Variants in ZNF197 observed in about 807,000 individuals in gnomAD.
ZNF197 encodes the protein zinc finger protein 197.
A neutral mutation model predicts 27.4 loss-of-function variants in ZNF197; 14 were observed. The ratio of observed to expected loss-of-function variants is 0.51; its 90% CI spans 0.34 to 0.80. The LOEUF is 0.80. Ranked by LOEUF, ZNF197 falls within the 30% of genes least tolerant of loss-of-function variation. The pLI, the probability that ZNF197 is intolerant of heterozygous loss-of-function variation, is 0.02. For synonymous variants in ZNF197, 415 were observed against 420.0 expected (o/e 0.99, Z 0.15); for missense variants, 1,090 against 1,222.6 (o/e 0.89, Z 1.62).
At position 44,643,691 on chromosome 3, in the gene ZNF197, G is replaced by GT. The variant is rs1702768353; in HGVS notation, c.2565dup (p.Thr856TyrfsTer8). 4 of 1,613,920 alleles carry GT rather than the reference G, an allele frequency of 2.5e-6. No individual in the cohort carries two copies. Among genetic ancestry groups the GT allele is most frequent in the African/African-American group, 1.3e-5 (1 of 74,904 alleles). On this transcript the variant is annotated frameshift_variant, in exon 6 of 6. Transcript: ENST00000344387. LOFTEE classifies it low-confidence loss of function (END_TRUNC). ...TATGCGTGTAGTGAGTGTGGAAAAG[G>GT]TTTTACGTACAACAGAAACCTGATT...
In ZNF197 at chr3:44,642,644, AAG is replaced by A. The variant is rs1342576689; in HGVS notation, c.1515_1516del (p.Glu507ArgfsTer4). ...CTCATTGACCATCAGAGGCTCCACA[AAG>A]GGGAAGAACCTTATAAATGTAATAA... On this transcript the variant is annotated frameshift_variant, in exon 6 of 6. Transcript: ENST00000344387. LOFTEE classifies it low-confidence loss of function (END_TRUNC). 6.2e-7 allele frequency: 1 copy of A among 1,613,936 alleles called. No homozygotes were observed. Among genetic ancestry groups the A allele is most frequent in the Non-Finnish European group, 8.5e-7 (1 of 1,180,022 alleles).
rs560739472 is a variant in ZNF197, at chr3:44,632,365, G to C, written c.643-108G>C. ...ATCTCCTTATGTCTCCCTGATGTCT[G>C]TTATGCACTCATGGCCTCACAGTGT... On this transcript the variant is annotated intron_variant, in intron 4 of 5. Coordinates refer to ENST00000344387, the MANE Select transcript of ZNF197 (RefSeq NM_006991.5). 3.3e-6 allele frequency: 5 copies of C among 1,516,142 alleles called. No homozygotes were observed. In the East Asian group the frequency reaches 1.1e-4, roughly 34 times the overall value. The allele number at this position is 1,516,142 out of a possible 1,614,324, so 93.9% of individuals were successfully genotyped here. A position where few individuals can be genotyped will look rare whatever the true frequency, so the allele number is the denominator to read the frequency against.
At position 44,644,320 on chromosome 3, in the gene ZNF197, A is replaced by G. The variant is rs964399534; in HGVS notation, c.*100A>G. The G allele has an allele frequency of 6.8e-7, 1 of 1,463,010 alleles. No homozygotes were observed. Among genetic ancestry groups the G allele is most frequent in the South Asian group, 1.5e-5 (1 of 66,940 alleles). The allele number at this position is 1,463,010 out of a possible 1,614,324, so 90.6% of individuals were successfully genotyped here. On this transcript the variant is annotated 3_prime_UTR_variant, in exon 6 of 6. Coordinates refer to ENST00000344387, the MANE Select transcript of ZNF197 (RefSeq NM_006991.5). The stretch of plus-strand genomic sequence containing the variant: ...GGAAAAAGTTTATTATTTACTCTTT[A>G]CTAGACAAATGAGTAGCATATAGAA...
At chr3:44,637,300 A>T (rs994336734) in intron 5 of ZNF197, among the ~76,000 whole-genome samples, 3 of 151,730 alleles carry the variant, frequency 2.0e-5, no homozygotes, top group Non-Finnish European at 2.9e-5. Context: ...GCTAATTTTA[A>T]AATTTTTTGT....
At chr3:44,631,335 G>A (rs940990420) in intron 3 of ZNF197, 114 bp downstream of exon 3, 5 of 1,321,076 alleles carry the variant, frequency 3.8e-6, no homozygotes, top group Non-Finnish European at 5.2e-6. Flanking sequence ...CTCTTACAGT[G>A]CCAATTTCTT....
intron 5 of ZNF197, among the ~76,000 whole-genome samples, chr3:44,636,699 GAT>G (rs1167380475): frequency 6.6e-6 from 1 of 152,104 alleles, no homozygotes; most frequent in Non-Finnish European, 1.5e-5. Context: ...TTTTTGTGTG[GAT>G]ATATGTTTTC....
chr3:44,646,647 T>C lies in ZNF197; in HGVS notation c.*2427T>C. ...GGGAGTGAAAATTGTTCAAGCTGTCTTGAGTCTGCTGTGAGTTTATTATAC... is the reference window on the plus strand; with the variant it reads ...GGGAGTGAAAATTGTTCAAGCTGTCCTGAGTCTGCTGTGAGTTTATTATAC... On this transcript the variant is annotated 3_prime_UTR_variant, in exon 6 of 6. Coordinates refer to ENST00000344387, the MANE Select transcript of ZNF197 (RefSeq NM_006991.5). The C allele has an allele frequency of 1.5e-6, 1 of 681,262 alleles. No individual in the cohort carries two copies. Among genetic ancestry groups the C allele is most frequent in the South Asian group, 1.7e-5 (1 of 58,742 alleles). 42.2% of individuals were successfully genotyped at this position (681,262 alleles called of 1,614,324 possible).
Position 44,641,981 on chromosome 3 carries a change from CA to C in ZNF197, c.856del (p.Arg286AspfsTer36). The C allele has an allele frequency of 6.2e-7, 1 of 1,613,330 alleles. No homozygotes were observed. Among genetic ancestry groups the C allele is most frequent in the Non-Finnish European group, 8.5e-7 (1 of 1,179,588 alleles). The stretch of plus-strand genomic sequence containing the variant: ...AGAGCAGACTCTCATAAAGGAACAT[CA>C]AAAAGACTTCAAGGAAGTGTTCCCC... ...SQRADSHKGT[S>X]KRLQGSVPQV... On this transcript the variant is annotated frameshift_variant, in exon 6 of 6. Transcript: ENST00000344387. LOFTEE classifies it low-confidence loss of function (END_TRUNC).
intron 1 of ZNF197, among the ~76,000 whole-genome samples, chr3:44,628,792 G>A (rs1052855423): frequency 6.6e-6 from 1 of 152,186 alleles, no homozygotes; most frequent in African/African-American, 2.4e-5. Context: ...CATTGTTAGA[G>A]TGGTAAAGAG....
rs1259123516 is a variant in ZNF197 at position 44,642,840 on chromosome 3, A to G, written c.1710A>G (p.Glu570=). Residue 570 remains glutamate (E), a synonymous_variant, in exon 6 of 6, where the codon GAA becomes GAG. Transcript: ENST00000344387. The part of the protein sequence containing the change: ...HSAENPYKCK[E]CGKVFIRSKS... ...CAGAGAACCCTTACAAGTGTAAAGA[A>G]TGTGGAAAAGTTTTCATTCGAAGCA... The G allele has an allele frequency of 6.2e-7, 1 of 1,614,138 alleles. No homozygotes were observed. The highest frequency in any genetic ancestry group is 8.5e-7 in the Non-Finnish European group (1 of 1,180,036).
Position 44,643,439 on chromosome 3 carries a change from C to T in ZNF197, c.2309C>T (p.Ala770Val). 3 of 1,614,094 alleles carry T rather than the reference C, an allele frequency of 1.9e-6. No individual in the cohort carries two copies. Among genetic ancestry groups the T allele is most frequent in the Non-Finnish European group, 2.5e-6 (3 of 1,180,042 alleles). ...TTTGAATGCAGTGAGTGTGGAAGAG[C>T]TTTCAGTTCAAACAGAAACCTCATT... ...KPFECSECGR[A>V]FSSNRNLIEH... Residue 770 changes from alanine to valine, a missense_variant, in exon 6 of 6, where the codon GCT becomes GTT. By Grantham distance (64) the Ala-to-Val change is moderately conservative. Coordinates refer to ENST00000344387, the MANE Select transcript of ZNF197 (RefSeq NM_006991.5).
chr3:44,632,594 C>T lies in ZNF197; in HGVS notation c.764C>T (p.Ser255Phe). 1 of 1,558,428 alleles carries T rather than the reference C, an allele frequency of 6.4e-7. No homozygotes were observed. Among genetic ancestry groups the T allele is most frequent in the Non-Finnish European group, 8.7e-7 (1 of 1,152,388 alleles). Residue 255 changes from serine to phenylalanine, a missense_variant, in exon 5 of 6, where the codon TCC (serine) becomes TTC (phenylalanine). By Grantham distance (155) the Ser-to-Phe change is radical. Coordinates refer to ENST00000344387, the MANE Select transcript of ZNF197 (RefSeq NM_006991.5). ...VMLENYGNVT[S>F]LEWETMTENE... ...CTGGAGAATTATGGAAATGTGACCT[C>T]CCTAGGTAAGGATTCTTCTTTCTAT...
chr3:44,627,368 C>G (rs1051560190), intron 1 of ZNF197, among the ~76,000 whole-genome samples: 3 of 152,194 alleles, frequency 2.0e-5, no homozygotes, highest in Non-Finnish European at 4.4e-5. Flanking sequence ...CTGTTCACCT[C>G]TCTGCTCTAC....
intron 1 of ZNF197, among the ~76,000 whole-genome samples, chr3:44,625,500 C>T (rs960611355): frequency 3.9e-5 from 6 of 152,202 alleles, no homozygotes; most frequent in African/African-American, 1.4e-4. Context: ...CAGAAACATT[C>T]TGAGGTTTCC....
Position 44,643,465 on chromosome 3 carries a change from G to C in ZNF197, c.2335G>C (p.Glu779Gln). ...TTTCAGTTCAAACAGAAACCTCATTGAGCATAAGAGAATCCACAGTGGTGA... is the reference window on the plus strand; with the variant it reads ...TTTCAGTTCAAACAGAAACCTCATTCAGCATAAGAGAATCCACAGTGGTGA... Reference protein sequence around the residue: ...RAFSSNRNLIEHKRIHSGEKP... With the variant: ...RAFSSNRNLIQHKRIHSGEKP... Residue 779 changes from glutamate to glutamine, a missense_variant, in exon 6 of 6, where the codon GAG becomes CAG. Physicochemically the swap from Glu to Gln is conservative, Grantham distance 29. Coordinates refer to ENST00000344387, the MANE Select transcript of ZNF197 (RefSeq NM_006991.5). The C allele has an allele frequency of 6.2e-7, 1 of 1,614,192 alleles. No homozygotes were observed. The highest frequency in any genetic ancestry group is 8.5e-7 in the Non-Finnish European group (1 of 1,180,042).
At chr3:44,631,949 C>A (rs1295809672) in intron 3 of ZNF197, among the ~76,000 whole-genome samples, 156 bp from the exon 4 acceptor site, 2 of 152,170 alleles carry the variant, frequency 1.3e-5, no homozygotes, top group Admixed American at 1.3e-4. Flanking sequence ...GAGCCACCCA[C>A]CTCGGCTTCC....
At position 44,646,609 on chromosome 3, in the gene ZNF197, A is replaced by G. The variant is rs1702973092; in HGVS notation, c.*2389A>G. On this transcript the variant is annotated 3_prime_UTR_variant, in exon 6 of 6. Transcript: ENST00000344387. ...CTGGATTCTTCAAAATATTATTATG[A>G]TGAAAAAGAGAGGGGAGTGAAAATT... 3.7e-6 allele frequency: 3 copies of G among 820,282 alleles called. No homozygotes were observed. The highest frequency in any genetic ancestry group is 3.9e-5 in the Admixed American group (2 of 51,098). The allele number at this position is 820,282 out of a possible 1,614,324, so 50.8% of individuals were successfully genotyped here.
chr3:44,632,385 C>T (rs1054517611), intron 4 of ZNF197, 88 bp from the exon 5 acceptor site: 3 of 1,532,432 alleles, frequency 2.0e-6, no homozygotes, highest in Non-Finnish European at 2.6e-6. Context: ...CATGGCCTCA[C>T]AGTGTATCCC....
chr3:44,647,981 A>C lies in ZNF197; in HGVS notation c.*3761A>C, dbSNP rs1703057708. 6.6e-6 allele frequency: 1 copy of C among 152,174 alleles called. No homozygotes were observed. The highest frequency in any genetic ancestry group is 2.4e-5 in the African/African-American group (1 of 41,438). 9.4% of individuals were successfully genotyped at this position (152,174 alleles called of 1,614,324 possible). ...CCTTTTTCATTTTATGTAAGATGTAACCATGAGGGGAAAGTGGGTGAAGGG... is the reference window on the plus strand; with the variant it reads ...CCTTTTTCATTTTATGTAAGATGTACCCATGAGGGGAAAGTGGGTGAAGGG... On this transcript the variant is annotated 3_prime_UTR_variant, in exon 6 of 6. Transcript: ENST00000344387.
Sources: gnomAD v4.1 joint callset for allele counts (sites outside exome capture counted in the v4.1 genomes callset) on GRCh38, gnomAD v4.1.1 for gene constraint, MANE v1.5 for transcripts, NCBI Gene and HGNC (gene_info 2026-07-23, HGNC 2026-07-21) for gene names.